Variants in SASH1 observed in about 807,000 individuals in gnomAD.
SASH1 encodes the protein SAM and SH3 domain-containing protein 1.
SASH1 carries 44 observed loss-of-function variants against 125.2 expected under a neutral mutation model. That is an observed-to-expected ratio of 0.35 (90% CI 0.28 to 0.45). The LOEUF is 0.45. Among genes scored for constraint, SASH1 ranks in the 20% least tolerant of loss-of-function variants. The probability of loss-of-function intolerance (pLI) is 1.00; values close to 1 mark genes in which losing one functional copy is unlikely to be tolerated. For missense variants in SASH1, 1,426 were observed against 1,614.5 expected, an observed-to-expected ratio of 0.88 and a Z score of 2.00; for synonymous variants, 639 against 649.1, an observed-to-expected ratio of 0.98 and a Z score of 0.24.
At chr6:148,450,406 G>A (rs1052138969) in intron 4 of SASH1, among the ~76,000 whole-genome samples, 2 of 152,018 alleles carry the variant, frequency 1.3e-5, no homozygotes, top group Admixed American at 1.3e-4. Flanking sequence ...TGGATATTAC[G>A]ATTACCCAAA....
At chr6:148,248,849 T>C in the SASH1 span, among the ~76,000 whole-genome samples, 10 of 152,250 alleles carry the variant, frequency 6.6e-5, no homozygotes, top group African/African-American at 2.4e-4. Context: ...TAGAACTACC[T>C]TCTTCTGACA....
chr6:148,356,449 C>T (rs1781938944), intron 1 of SASH1, among the ~76,000 whole-genome samples: 1 of 150,074 alleles, frequency 6.7e-6, no homozygotes, highest in Non-Finnish European at 1.5e-5. Flanking sequence ...GTAGATACCC[C>T]CAGGAGTGGG....
intron 1 of SASH1, among the ~76,000 whole-genome samples, chr6:148,330,925 A>C (rs1780977595): frequency 6.6e-6 from 1 of 152,176 alleles, no homozygotes; most frequent in African/African-American, 2.4e-5. Context: ...AAAAAGAGAA[A>C]TAGCAGGAAG....
In SASH1 at chr6:148,546,094, C is replaced by T. The variant is rs1186867294; in HGVS notation, c.3428C>T (p.Ala1143Val). The change falls in exon 19 of 20, where the codon GCC (alanine) becomes GTC (valine). Residue 1143 changes from alanine to valine, a missense_variant. Physicochemically the swap from Ala to Val is moderately conservative, Grantham distance 64. Around this residue, in one of 3 missense-constraint regions of SASH1, gnomAD observed 634 missense variants for 694.4 expected, o/e 0.91. Coordinates refer to ENST00000367467, the MANE Select transcript of SASH1 (RefSeq NM_015278.5). ...GATCAGCCCGAGCGGGACGTCGCCG[C>T]CAACATGGACCAGATCCGGGTGAAG... ...DLDQPERDVA[A>V]NMDQIRVKQL... 1.2e-6 allele frequency: 2 copies of T among 1,614,242 alleles called. No individual in the cohort carries two copies. The highest frequency in any genetic ancestry group is 8.5e-7 in the Non-Finnish European group (1 of 1,180,038).
chr6:148,446,597 G>A (rs1257168938), intron 4 of SASH1, among the ~76,000 whole-genome samples: 1 of 152,072 alleles, frequency 6.6e-6, no homozygotes, highest in Non-Finnish European at 1.5e-5. Context: ...CTGTAGGGAG[G>A]GCCACCTGGC....
the SASH1 span, among the ~76,000 whole-genome samples, chr6:148,215,237 G>T: frequency 6.6e-6 from 1 of 152,118 alleles, no homozygotes; most frequent in Non-Finnish European, 1.5e-5. Flanking sequence ...AAAACCACCT[G>T]TCTTATTCCA....
chr6:148,449,969 C>T (rs1177291493), intron 4 of SASH1, among the ~76,000 whole-genome samples: 2 of 152,150 alleles, frequency 1.3e-5, no homozygotes, highest in Non-Finnish European at 2.9e-5. Context: ...AGCATGGCAG[C>T]AAACCATTCG....
At chr6:148,326,576 A>G (rs1328047369) in intron 1 of SASH1, among the ~76,000 whole-genome samples, 1 of 148,198 alleles carries the variant, frequency 6.7e-6, no homozygotes, top group Non-Finnish European at 1.5e-5. Flanking sequence ...AGCTAATTGT[A>G]TTTTTAATAG....
intron 1 of SASH1, among the ~76,000 whole-genome samples, chr6:148,376,234 T>C (rs1782886379): frequency 6.6e-6 from 1 of 151,966 alleles, no homozygotes; most frequent in Non-Finnish European, 1.5e-5. Flanking sequence ...GCCTAGCTAA[T>C]TTTTTTGTAT....
Position 148,286,098 on chromosome 6 carries a change from A to G in SASH1, n.74+13721A>G, listed in dbSNP as rs529202726. Reference sequence around the variant, plus strand: ...ACATGCACATCCACATAAAATCTTTACAAACATCAAGGGATTTGAGATCTC... The same window carrying G: ...ACATGCACATCCACATAAAATCTTTGCAAACATCAAGGGATTTGAGATCTC... On this transcript the variant is annotated intron_variant and non_coding_transcript_variant, in intron 1 of 3. Transcript: ENST00000367469. Among the ~76,000 whole-genome samples the G allele has an allele frequency of 8.5e-5, 13 of 152,306 alleles. No homozygotes were observed. The South Asian group carries it at 1.9e-3, about 22-fold the overall frequency.
chr6:148,522,143 G>C (rs1780855583), intron 10 of SASH1, among the ~76,000 whole-genome samples: 1 of 152,210 alleles, frequency 6.6e-6, no homozygotes, highest in Non-Finnish European at 1.5e-5. Flanking sequence ...CCAAGTATCA[G>C]TCTGAGGCTG....
intron 2 of SASH1, among the ~76,000 whole-genome samples, chr6:148,416,791 A>G (rs1284039506): frequency 6.6e-6 from 1 of 152,154 alleles, no homozygotes; most frequent in Non-Finnish European, 1.5e-5. Flanking sequence ...ATTCTTAGCA[A>G]CCTTGGGTTT....
At chr6:148,262,973 A>C in the SASH1 span, among the ~76,000 whole-genome samples, 5 of 152,240 alleles carry the variant, frequency 3.3e-5, no homozygotes, top group Non-Finnish European at 7.3e-5. Context: ...AACATTCAGC[A>C]CTAGAAAAAA....
chr6:148,495,238 C>T lies in SASH1; in HGVS notation c.729+7523C>T, dbSNP rs1346767708. Among the ~76,000 whole-genome samples, 2 of 152,154 alleles carry T rather than the reference C, an allele frequency of 1.3e-5. No homozygotes were observed. The highest frequency in any genetic ancestry group is 2.9e-5 in the Non-Finnish European group (2 of 68,032). On this transcript the variant is annotated intron_variant, in intron 8 of 19. Coordinates refer to ENST00000367467, the MANE Select transcript of SASH1 (RefSeq NM_015278.5). This position sits in a 1 kb window ranked among gnomAD's most constrained non-coding sequence, Gnocchi z 4.0. ...CCATTATGACACAAGAAAAGGTTAA[C>T]AGTGTAATCCCTTTTTATAGAATAT...
chr6:148,511,324 TACACAC>T (rs58822082), intron 8 of SASH1, among the ~76,000 whole-genome samples: 20,621 of 135,274 alleles, frequency 0.15, 1,469 homozygotes, highest in East Asian at 0.17. Flanking sequence ...AATTTTCTAT[TACACAC>T]ACACACACAC....
chr6:148,530,984 G>C lies in SASH1; in HGVS notation c.1429-542G>C, dbSNP rs906674568. ...TGGTAGACTGGAAAATAGTATGTTT[G>C]CTGTATATGTGGGTTTTAAATTCAT... On this transcript the variant is annotated intron_variant, in intron 12 of 19. Transcript: ENST00000367467. 2.4e-4 allele frequency among the ~76,000 whole-genome samples: 36 copies of C among 152,306 alleles called. 1 individual carries two copies. Among genetic ancestry groups the C allele is most frequent in the African/African-American group, 7.5e-4 (31 of 41,564 alleles).
chr6:148,452,594 T>C (rs1165856082), intron 4 of SASH1, among the ~76,000 whole-genome samples: 1 of 152,118 alleles, frequency 6.6e-6, no homozygotes. Flanking sequence ...ACGCCTCAGG[T>C]TTCTATTCAA....
At chr6:148,413,298 G>A (rs1784696764) in intron 2 of SASH1, among the ~76,000 whole-genome samples, 1 of 152,150 alleles carries the variant, frequency 6.6e-6, no homozygotes, top group Admixed American at 6.5e-5. Flanking sequence ...CAGTCCAAAG[G>A]GTATTGCTGC....
chr6:148,311,598 G>A (rs1780331384), intron 1 of SASH1, among the ~76,000 whole-genome samples: 1 of 151,984 alleles, frequency 6.6e-6, no homozygotes, highest in Non-Finnish European at 1.5e-5. Context: ...GAGCCCAGGA[G>A]TTTGAGACCA....
Sources: gnomAD v4.1 joint callset for allele counts (sites outside exome capture counted in the v4.1 genomes callset) on GRCh38, gnomAD v4.1.1 for gene constraint, gnomAD v4.1.1 regional missense constraint, Gnocchi (gnomAD v3.1) non-coding constraint, MANE v1.5 for transcripts, NCBI Gene and HGNC (gene_info 2026-07-23, HGNC 2026-07-21) for gene names.